The following ZNF354B variants were observed in gnomAD, a reference collection of about 807,000 sequenced individuals.
The protein encoded by ZNF354B is zinc finger protein 354B.
Under a neutral mutation model 12.9 loss-of-function variants are expected in ZNF354B, and 10 were observed. That is an observed-to-expected ratio of 0.77 (90% CI 0.48 to 1.31). The LOEUF is 1.31. ZNF354B is among the 40% of genes most tolerant of loss of function. ZNF354B has a pLI of 0.00. For synonymous variants in ZNF354B, 260 were observed against 243.7 expected (o/e 1.07, Z -0.62); for missense variants, 614 against 711.7 (o/e 0.86, Z 1.56).
intron 4 of ZNF354B, among the ~76,000 whole-genome samples, chr5:178,871,186 C>A (rs753323332): frequency 6.6e-6 from 1 of 152,170 alleles, no homozygotes; most frequent in South Asian, 2.1e-4. Flanking sequence ...CTTCAGAGAC[C>A]TACATGGTCT....
chr5:178,873,213 G>A (rs772189184), intron 4 of ZNF354B, among the ~76,000 whole-genome samples: 10 of 152,150 alleles, frequency 6.6e-5, no homozygotes, highest in Non-Finnish European at 1.3e-4. Flanking sequence ...CCGGATATGT[G>A]GTTCACAAAT....
rs1757766750 is a variant in ZNF354B at position 178,884,224 on chromosome 5, C to T, written c.1772C>T (p.Ser591Leu). Reference sequence around the variant, plus strand: ...TGTGGGAAACTCTTTAGCCAGAGGTCATCCCTTACTAATCATTATAAAATT... The same window carrying T: ...TGTGGGAAACTCTTTAGCCAGAGGTTATCCCTTACTAATCATTATAAAATT... ...NACGKLFSQR[S>L]SLTNHYKIHI... Residue 591 changes from serine to leucine, a missense_variant, in exon 5 of 5, where the codon TCA becomes TTA. Ser to Leu is a moderately radical substitution (Grantham distance 145). Transcript: ENST00000322434. The T allele has an allele frequency of 6.2e-7, 1 of 1,613,216 alleles. No individual in the cohort carries two copies. Among genetic ancestry groups the T allele is most frequent in the African/African-American group, 1.3e-5 (1 of 74,940 alleles).
intron 4 of ZNF354B, among the ~76,000 whole-genome samples, chr5:178,878,556 G>T: frequency 6.6e-6 from 1 of 152,094 alleles, no homozygotes; most frequent in East Asian, 1.9e-4. Flanking sequence ...GCCCATTTAG[G>T]TCTCTTCCAA....
chr5:178,865,855 T>A (rs913776261), intron 2 of ZNF354B, among the ~76,000 whole-genome samples: 2 of 152,206 alleles, frequency 1.3e-5, no homozygotes, highest in Admixed American at 1.3e-4. Flanking sequence ...TCCTGTTTTT[T>A]TTTGCTACTA....
rs1450003170 is a variant in ZNF354B at position 178,884,197 on chromosome 5, C to T, written c.1745C>T (p.Ala582Val). The T allele has an allele frequency of 3.1e-6, 5 of 1,613,802 alleles. No homozygotes were observed. The highest frequency in any genetic ancestry group is 2.7e-5 in the African/African-American group (2 of 74,902). Residue 582 changes from alanine to valine, a missense_variant, in exon 5 of 5, where the codon GCA (alanine) becomes GTA (valine). Ala to Val is a moderately conservative substitution (Grantham distance 64). Transcript: ENST00000322434. ...GGAGAGAAACCCTATGAATGTAATG[C>T]ATGTGGGAAACTCTTTAGCCAGAGG... ...HTGEKPYECN[A>V]CGKLFSQRSS...
At position 178,867,160 on chromosome 5, in the gene ZNF354B, C is replaced by T. The variant is rs1343078257; in HGVS notation, c.256+89C>T. The T allele has an allele frequency of 1.0e-5, 13 of 1,262,284 alleles. No individual in the cohort carries two copies. The African/African-American group carries it at 1.6e-4, about 16-fold the overall frequency. The allele number at this position is 1,262,284 out of a possible 1,614,324, so 78.2% of individuals were successfully genotyped here. On this transcript the variant is annotated intron_variant, in intron 4 of 4. Coordinates refer to ENST00000322434, the MANE Select transcript of ZNF354B (RefSeq NM_058230.3). ...GTAGGAACATTGGTTGGGAAACTCC[C>T]TTGAGAATTCTCAGGCCTCAAGAAG... is the stretch of plus-strand genomic sequence containing the variant.
intron 4 of ZNF354B, among the ~76,000 whole-genome samples, chr5:178,880,878 T>C (rs1177923874): frequency 7.2e-6 from 1 of 138,282 alleles, no homozygotes; most frequent in Non-Finnish European, 1.5e-5. Context: ...GTTGCACTCT[T>C]GTTGCCCAGG....
chr5:178,869,622 C>A (rs988398678), intron 4 of ZNF354B, among the ~76,000 whole-genome samples: 1 of 152,112 alleles, frequency 6.6e-6, no homozygotes, highest in Non-Finnish European at 1.5e-5. Context: ...TATTAACAGG[C>A]TGAAAATATG....
At chr5:178,878,382 CAAA>C (rs774828144) in intron 4 of ZNF354B, among the ~76,000 whole-genome samples, 3 of 97,332 alleles carry the variant, frequency 3.1e-5, no homozygotes, top group Admixed American at 1.1e-4. Context: ...GACTCCGTCT[CAAA>C]AAAAAAAAAA....
At chr5:178,878,332 G>A (rs985975107) in intron 4 of ZNF354B, among the ~76,000 whole-genome samples, 1 of 151,438 alleles carries the variant, frequency 6.6e-6, no homozygotes, top group Non-Finnish European at 1.5e-5. Flanking sequence ...GCAGTGAGCC[G>A]AGATTATGCC....
intron 4 of ZNF354B, among the ~76,000 whole-genome samples, chr5:178,878,251 C>T (rs1267323404): frequency 1.3e-5 from 2 of 151,882 alleles, no homozygotes; most frequent in Non-Finnish European, 2.9e-5. Flanking sequence ...GGCGTAGTGG[C>T]GGGCGCCTGT....
At chr5:178,865,304 T>C (rs1338898415) in intron 2 of ZNF354B, among the ~76,000 whole-genome samples, 2 of 152,096 alleles carry the variant, frequency 1.3e-5, no homozygotes, top group African/African-American at 2.4e-5. Context: ...AGTCTCATTC[T>C]GTTTCCAGGC....
At chr5:178,862,872 G>C (rs76991539) in intron 2 of ZNF354B, among the ~76,000 whole-genome samples, 22,529 of 152,132 alleles carry the variant, frequency 0.15, 2,025 homozygotes, top group African/African-American at 0.25. Context: ...GTTCTTGCTT[G>C]CCATGCGTCA....
chr5:178,882,742 C>A lies in ZNF354B; in HGVS notation c.290C>A (p.Thr97Asn), dbSNP rs543623969. The A allele has an allele frequency of 5.4e-5, 85 of 1,571,864 alleles. 1 individual carries two copies. The South Asian group carries it at 7.6e-4, about 14-fold the overall frequency. Reference protein sequence around the residue: ...CKSTPKMTKSTQTQDSFQEQI... With the variant: ...CKSTPKMTKSNQTQDSFQEQI... The stretch of plus-strand genomic sequence containing the variant: ...AGCACACCTAAAATGACAAAGTCAA[C>A]TCAAACTCAGGATTCATTTCAGGAG... The change falls in exon 5 of 5, where the codon ACT becomes AAT. Residue 97 changes from threonine (T) to asparagine (N), a missense_variant. Thr to Asn is a moderately conservative substitution (Grantham distance 65, BLOSUM62 0). Transcript: ENST00000322434.
chr5:178,861,717 T>C (rs905617186), intron 2 of ZNF354B, among the ~76,000 whole-genome samples: 1 of 152,202 alleles, frequency 6.6e-6, no homozygotes, highest in African/African-American at 2.4e-5. Context: ...ATAGCAATAG[T>C]GCAGAGGCAG....
At position 178,868,062 on chromosome 5, in the gene ZNF354B, T is replaced by C. The variant is rs550756922; in HGVS notation, c.256+991T>C. 5.2e-3 allele frequency among the ~76,000 whole-genome samples: 778 copies of C among 150,994 alleles called. 7 individuals carry two copies. The highest frequency in any genetic ancestry group is 0.018 in the African/African-American group (725 of 41,100). On this transcript the variant is annotated intron_variant, in intron 4 of 4. Coordinates refer to ENST00000322434, the MANE Select transcript of ZNF354B (RefSeq NM_058230.3). ...TGCCGTGAGTTCGTGAGGGAGGAGG[T>C]GGCGCCCACGTGATCAGGGTACAGG...
chr5:178,876,106 G>A (rs1171189119), intron 4 of ZNF354B, among the ~76,000 whole-genome samples: 1 of 152,170 alleles, frequency 6.6e-6, no homozygotes, highest in African/African-American at 2.4e-5. Context: ...TGGATAGTGT[G>A]GTACCATTTT....
intron 2 of ZNF354B, among the ~76,000 whole-genome samples, chr5:178,864,264 T>C (rs59242428): frequency 0.15 from 22,566 of 152,162 alleles, 2,047 homozygotes; most frequent in African/African-American, 0.25. Context: ...CATGCCTTTT[T>C]TATGTTTAAA....
rs1375002960 is a variant in ZNF354B, at chr5:178,883,729, A to G, written c.1277A>G (p.Asn426Ser). 3.7e-6 allele frequency: 6 copies of G among 1,614,034 alleles called. No individual in the cohort carries two copies. Among genetic ancestry groups the G allele is most frequent in the Non-Finnish European group, 5.1e-6 (6 of 1,180,006 alleles). Residue 426 changes from asparagine to serine, a missense_variant, in exon 5 of 5, where the codon AAT becomes AGT. Physicochemically the swap from Asn to Ser is conservative, Grantham distance 46 (BLOSUM62 1). Transcript: ENST00000322434. The part of the protein sequence containing the change: ...GKGFTSISRL[N>S]RHRIIHTGEK... The stretch of plus-strand genomic sequence containing the variant: ...GGCTTTACTTCTATTTCACGACTTA[A>G]TAGACACCGAATAATTCATACTGGA...
Sources: gnomAD v4.1 joint callset for allele counts (sites outside exome capture counted in the v4.1 genomes callset) on GRCh38, gnomAD v4.1.1 for gene constraint, MANE v1.5 for transcripts, NCBI Gene and HGNC (gene_info 2026-07-23, HGNC 2026-07-21) for gene names.